Variants in SLC4A1 observed in about 807,000 individuals in gnomAD.
The protein encoded by SLC4A1 is band 3 anion transport protein.
A neutral mutation model predicts 93.1 loss-of-function variants in SLC4A1; 29 were observed. The observed-to-expected ratio is 0.31, with a 90% CI of 0.23 to 0.42. The LOEUF is 0.42. SLC4A1 is among the 20% of genes least tolerant of loss of function. The pLI, the probability that SLC4A1 is intolerant of heterozygous loss-of-function variation, is 1.00. For missense variants in SLC4A1, 965 were observed against 1,190.1 expected, an observed-to-expected ratio of 0.81 and a Z score of 2.78; for synonymous variants, 469 against 497.2, an observed-to-expected ratio of 0.94 and a Z score of 0.76.
chr17:44,260,373 A>G (rs2047432015), intron 6 of SLC4A1, 31 bp downstream of exon 6: 2 of 1,602,318 alleles, frequency 1.2e-6, no homozygotes, highest in Non-Finnish European at 1.7e-6. Context: ...CCCACTGGAT[A>G]TGGAATCCAG....
Position 44,259,341 on chromosome 17 carries a change from C to G in SLC4A1, c.698G>C (p.Arg233Pro). The G allele has an allele frequency of 4.3e-6, 7 of 1,613,456 alleles. No homozygotes were observed. Among genetic ancestry groups the G allele is most frequent in the African/African-American group, 1.3e-5 (1 of 75,040 alleles). Residue 233 changes from arginine (R) to proline (P), a missense_variant, in exon 9 of 20, where the codon CGC becomes CCC. Transcript: ENST00000262418. ...CACCGGCTGCTCCAGGAAGTCGGCG[C>G]GGCCTGTTAGGGGATGAGAAGATCA... is the stretch of plus-strand genomic sequence containing the variant. The part of the protein sequence containing the change: ...DSEATLVLVG[R>P]ADFLEQPVLG...
rs765891978 is a variant in SLC4A1, at chr17:44,258,106, G to T, written c.1162C>A (p.Arg388Ser). Residue 388 changes from arginine to serine, a missense_variant, in exon 11 of 20, where the codon CGC (arginine) becomes AGC (serine). Around this residue, in one of 2 missense-constraint regions of SLC4A1, gnomAD observed 770 missense variants for 1,006.6 expected, o/e 0.76. Transcript: ENST00000262418. The surrounding 1 kb of genome is among the most constrained non-coding windows in gnomAD (Gnocchi z 6.1). Reference sequence around the variant, plus strand: ...TCACTCAGGTAATAGGGGTAGCGGCGCCGGATATCACGCACCAGGCCCCCG... The same window carrying T: ...TCACTCAGGTAATAGGGGTAGCGGCTCCGGATATCACGCACCAGGCCCCCG... ...LFGGLVRDIR[R>S]RYPYYLSDIT... 1.2e-6 allele frequency: 2 copies of T among 1,614,090 alleles called. No homozygotes were observed. The highest frequency in any genetic ancestry group is 2.2e-5 in the East Asian group (1 of 44,878).
chr17:44,251,020 T>C, intron 19 of SLC4A1, 139 bp downstream of exon 19: 1 of 929,004 alleles, frequency 1.1e-6, no homozygotes. Flanking sequence ...GATCATATGC[T>C]AGGACACAGC....
At chr17:44,265,066 G>T (rs534755657) in intron 1 of SLC4A1, among the ~76,000 whole-genome samples, 10 of 118,862 alleles carry the variant, frequency 8.4e-5, no homozygotes, top group African/African-American at 3.3e-4. Flanking sequence ...ACTGGGGGCT[G>T]TGGGGAGGGG....
chr17:44,253,439 C>T, intron 16 of SLC4A1, 68 bp from the exon 17 acceptor site: 1 of 1,559,004 alleles, frequency 6.4e-7, no homozygotes, highest in Non-Finnish European at 8.7e-7. Context: ...CCTTCCTTCT[C>T]CATACTTGGT....
In SLC4A1 at chr17:44,266,656, G is replaced by T. The variant is rs142880020; in HGVS notation, c.-69+1398C>A. Among the ~76,000 whole-genome samples the T allele has an allele frequency of 3.9e-5, 6 of 152,304 alleles. No homozygotes were observed. The South Asian group carries it at 1.0e-3, about 26-fold the overall frequency. ...TTGGAGACTTACAGGGCGCACCCAT[G>T]ACCCAGATTGCCACCCGCCAGCCAG... On this transcript the variant is annotated intron_variant, in intron 1 of 19. Transcript: ENST00000262418.
In SLC4A1 at chr17:44,250,455, C is replaced by A. The variant is rs751511171; in HGVS notation, c.*3G>T. On this transcript the variant is annotated 3_prime_UTR_variant, in exon 20 of 20. Coordinates refer to ENST00000262418, the MANE Select transcript of SLC4A1 (RefSeq NM_000342.4). ...GGGAGGGTCTAGGGCCTGGGCCCGC[C>A]CCTCACACAGGCATGGCCACTTCGT... 3 of 1,612,602 alleles carry A rather than the reference C, an allele frequency of 1.9e-6. No homozygotes were observed. The highest frequency in any genetic ancestry group is 2.5e-6 in the Non-Finnish European group (3 of 1,178,756).
At chr17:44,261,892 G>T in intron 3 of SLC4A1, 1 of 1,033,822 alleles carries the variant, frequency 9.7e-7, no homozygotes, top group South Asian at 1.6e-5. Flanking sequence ...GGGAGGCCTA[G>T]CCCCTCCGCA....
chr17:44,262,640 C>T lies in SLC4A1; in HGVS notation c.102G>A (p.Pro34=), dbSNP rs55898602. The T allele has an allele frequency of 9.3e-5, 150 of 1,609,414 alleles. No individual in the cohort carries two copies. Among genetic ancestry groups the T allele is most frequent in the Non-Finnish European group, 1.0e-4 (123 of 1,177,418 alleles). Residue 34 remains proline, a synonymous_variant, in exon 3 of 20, where the codon CCG becomes CCA. Coordinates refer to ENST00000262418, the MANE Select transcript of SLC4A1 (RefSeq NM_000342.4). ...GAGGGAGGGAGAGGGGCTCACCTGC[C>T]GGCTCCTCCATCTGGGACTCGGGGA... is the stretch of plus-strand genomic sequence containing the variant. ...PDIPESQMEE[P]AAHDTEATAT... is the part of the protein sequence containing the mutation.
At chr17:44,261,006 T>C (rs997576666) in intron 4 of SLC4A1, among the ~76,000 whole-genome samples, 191 bp from the exon 5 acceptor site, 5 of 152,134 alleles carry the variant, frequency 3.3e-5, no homozygotes, top group African/African-American at 1.2e-4. Context: ...CAGAAGGCAT[T>C]TGGAGAACCC....
intron 15 of SLC4A1, among the ~76,000 whole-genome samples, chr17:44,254,917 G>A (rs956027073): frequency 1.3e-5 from 2 of 152,200 alleles, no homozygotes; most frequent in African/African-American, 2.4e-5. Flanking sequence ...GCTATTTGAT[G>A]GCAGAGCTGG....
intron 17 of SLC4A1, 54 bp downstream of exon 17, chr17:44,253,064 G>A (rs1388265269): frequency 1.9e-6 from 3 of 1,592,660 alleles, no homozygotes; most frequent in Non-Finnish European, 2.6e-6. Context: ...AAGGGGAAGG[G>A]GCCGGGGGTG....
Position 44,248,987 on chromosome 17 carries a change from G to A in SLC4A1, c.*1471C>T, listed in dbSNP as rs2047316847. On this transcript the variant is annotated 3_prime_UTR_variant, in exon 20 of 20. Transcript: ENST00000262418. ...TGATTCTCTTGCCTCAGCCTTCTAA[G>A]TAGCTGGGATTACAGGTGCCTGCCA... The A allele has an allele frequency of 6.0e-6, 2 of 334,596 alleles. No homozygotes were observed. The highest frequency in any genetic ancestry group is 9.9e-5 in the East Asian group (1 of 10,056). 20.7% of individuals were successfully genotyped at this position (334,596 alleles called of 1,614,324 possible). A position where few individuals can be genotyped will look rare whatever the true frequency, so the allele number is the denominator to read the frequency against.
At chr17:44,259,616 G>T in intron 7 of SLC4A1, 35 bp from the exon 8 acceptor site, 1 of 1,571,758 alleles carries the variant, frequency 6.4e-7, no homozygotes, top group Non-Finnish European at 8.8e-7. Context: ...GAGTCCTCGG[G>T]CCAGTCTGAC....
At chr17:44,257,621 G>C (rs1313946319) in intron 12 of SLC4A1, 38 bp downstream of exon 12, 1 of 1,613,256 alleles carries the variant, frequency 6.2e-7, no homozygotes, top group Non-Finnish European at 8.5e-7. Flanking sequence ...GGTGGTGCGG[G>C]GGACATGACA....
Position 44,257,345 on chromosome 17 carries a change from C to T in SLC4A1, c.1626+5G>A. On this transcript the variant is annotated splice_donor_5th_base_variant and intron_variant, in intron 13 of 19. Transcript: ENST00000262418. ...GTGTGCATTAACATCCCCATAGGCCCCCACCTTGATCAGCTTGGAGAAAGT... is the reference window on the plus strand; with the variant it reads ...GTGTGCATTAACATCCCCATAGGCCTCCACCTTGATCAGCTTGGAGAAAGT... The T allele has an allele frequency of 6.2e-7, 1 of 1,613,746 alleles. No homozygotes were observed. Among genetic ancestry groups the T allele is most frequent in the Non-Finnish European group, 8.5e-7 (1 of 1,179,826 alleles).
intron 4 of SLC4A1, among the ~76,000 whole-genome samples, chr17:44,261,304 C>A (rs567759811): frequency 6.6e-6 from 1 of 152,300 alleles, no homozygotes; most frequent in East Asian, 1.9e-4. Context: ...TCCCCAGTGA[C>A]GCCCGACAGC....
intron 16 of SLC4A1, among the ~76,000 whole-genome samples, chr17:44,254,151 T>C (rs2047367895): frequency 1.3e-5 from 2 of 152,062 alleles, no homozygotes; most frequent in African/African-American, 4.8e-5. Context: ...ATTTTTTGTA[T>C]TTTTAGTAGA....
Position 44,248,983 on chromosome 17 carries a change from C to T in SLC4A1, c.*1475G>A, listed in dbSNP as rs1372114846. The T allele has an allele frequency of 3.0e-6, 1 of 333,142 alleles. No homozygotes were observed. The highest frequency in any genetic ancestry group is 5.8e-6 in the Non-Finnish European group (1 of 172,880). 20.6% of individuals were successfully genotyped at this position (333,142 alleles called of 1,614,324 possible). On this transcript the variant is annotated 3_prime_UTR_variant, in exon 20 of 20. Transcript: ENST00000262418. ...CAGGTGATTCTCTTGCCTCAGCCTT[C>T]TAAGTAGCTGGGATTACAGGTGCCT...
Sources: gnomAD v4.1 joint callset for allele counts (sites outside exome capture counted in the v4.1 genomes callset) on GRCh38, gnomAD v4.1.1 for gene constraint, gnomAD v4.1.1 regional missense constraint, Gnocchi (gnomAD v3.1) non-coding constraint, MANE v1.5 for transcripts, NCBI Gene and HGNC (gene_info 2026-07-23, HGNC 2026-07-21) for gene names.